PIP5K1B: variants seen among roughly 807,000 people sequenced by gnomAD.
PIP5K1B encodes phosphatidylinositol-4-phosphate 5-kinase type 1 beta, also known as phosphatidylinositol 4-phosphate 5-kinase type-1 beta.
PIP5K1B carries 42 observed loss-of-function variants against 67.0 expected under a neutral mutation model. The ratio of observed to expected loss-of-function variants is 0.63; its 90% CI spans 0.49 to 0.81. The LOEUF (loss-of-function observed/expected upper bound fraction) is 0.81. Ranked by LOEUF, PIP5K1B falls within the 30% of genes least tolerant of loss-of-function variation. The pLI is 0.00. For missense variants in PIP5K1B, 459 were observed against 646.3 expected, an observed-to-expected ratio of 0.71 and a Z score of 3.14; for synonymous variants, 214 against 231.4, an observed-to-expected ratio of 0.92 and a Z score of 0.68.
chr9:68,778,121 A>G (rs1032274932), intron 2 of PIP5K1B, among the ~76,000 whole-genome samples: 1 of 152,082 alleles, frequency 6.6e-6, no homozygotes, highest in Middle Eastern at 3.2e-3. Context: ...TCTTTAATCC[A>G]TGTGAAATTC....
At chr9:68,846,642 A>G (rs1254051702) in intron 4 of PIP5K1B, among the ~76,000 whole-genome samples, 1 of 152,180 alleles carries the variant, frequency 6.6e-6, no homozygotes, top group Admixed American at 6.5e-5. Context: ...TTTTTGTTCT[A>G]TGTATGATTC....
chr9:68,720,908 T>G (rs1263882039), intron 1 of PIP5K1B, among the ~76,000 whole-genome samples: 1 of 152,250 alleles, frequency 6.6e-6, no homozygotes, highest in South Asian at 2.1e-4. Context: ...CTGTTGATCA[T>G]TGTCATCATC....
intron 2 of PIP5K1B, among the ~76,000 whole-genome samples, chr9:68,793,885 A>C (rs1832140195): frequency 6.6e-6 from 1 of 152,228 alleles, no homozygotes; most frequent in Non-Finnish European, 1.5e-5. Context: ...ATTAAAGAAA[A>C]GACTAAGAAC....
chr9:68,755,996 C>T (rs976838934), intron 2 of PIP5K1B, among the ~76,000 whole-genome samples: 6 of 152,196 alleles, frequency 3.9e-5, no homozygotes, highest in African/African-American at 1.2e-4. Context: ...CCCTACTTTG[C>T]CATCTTTGAT....
intron 2 of PIP5K1B, among the ~76,000 whole-genome samples, chr9:68,796,780 C>T (rs908260778): frequency 3.5e-4 from 54 of 152,202 alleles, no homozygotes; most frequent in African/African-American, 1.3e-3. Context: ...AGTTAGATAT[C>T]TATCCCACAG....
chr9:68,719,717 G>T (rs1205810209), intron 1 of PIP5K1B, among the ~76,000 whole-genome samples: 1 of 152,164 alleles, frequency 6.6e-6, no homozygotes, highest in Non-Finnish European at 1.5e-5. Flanking sequence ...ATAGGAAACA[G>T]AATGGAAATT....
intron 5 of PIP5K1B, among the ~76,000 whole-genome samples, chr9:68,865,291 T>C (rs1823300347): frequency 6.6e-6 from 1 of 151,182 alleles, no homozygotes; most frequent in African/African-American, 2.4e-5. Context: ...TTTAACAGCC[T>C]ACCATTCCAA....
chr9:68,820,509 G>A (rs1833684881), intron 3 of PIP5K1B, among the ~76,000 whole-genome samples: 1 of 152,014 alleles, frequency 6.6e-6, no homozygotes, highest in Non-Finnish European at 1.5e-5. Flanking sequence ...TATTTTCCTG[G>A]ATGGTTTTTA....
chr9:68,835,001 C>G (rs900467552), intron 4 of PIP5K1B, among the ~76,000 whole-genome samples: 2 of 150,232 alleles, frequency 1.3e-5, no homozygotes, highest in Non-Finnish European at 2.9e-5. Context: ...TTAAAGGCAG[C>G]CCTTAGATGA....
At chr9:68,942,197 C>T (rs187422032) in intron 14 of PIP5K1B, among the ~76,000 whole-genome samples, 1 of 152,148 alleles carries the variant, frequency 6.6e-6, no homozygotes, top group Non-Finnish European at 1.5e-5. Context: ...ACGGCCTTTC[C>T]TGTCTGTTTG....
At chr9:68,877,541 T>C (rs1317086576) in intron 6 of PIP5K1B, among the ~76,000 whole-genome samples, 3 of 152,220 alleles carry the variant, frequency 2.0e-5, no homozygotes, top group Non-Finnish European at 4.4e-5. Context: ...TGCCATCAAA[T>C]ATTTATTGTT....
Position 68,893,333 on chromosome 9 carries a change from C to CTTTTTTT in PIP5K1B, c.472-994_472-988dup, listed in dbSNP as rs397792694. Among the ~76,000 whole-genome samples the CTTTTTTT allele has an allele frequency of 8.1e-5, 9 of 110,952 alleles. 1 individual carries two copies. Among genetic ancestry groups the CTTTTTTT allele is most frequent in the Non-Finnish European group, 1.2e-4 (7 of 58,872 alleles). 72.8% of individuals were successfully genotyped at this position (110,952 alleles called of 152,430 possible). A position where few individuals can be genotyped will look rare whatever the true frequency, so the allele number is the denominator to read the frequency against. Reference sequence around the variant, plus strand: ...TAGGCATGTATTCCCTATTTTTTTTCTTTTTTTTTTTTTTTTTTGAGACAG... The same window carrying CTTTTTTT: ...TAGGCATGTATTCCCTATTTTTTTTCTTTTTTTTTTTTTTTTTTTTTTTTTGAGACAG... On this transcript the variant is annotated intron_variant, in intron 7 of 15. Transcript: ENST00000265382.
intron 1 of PIP5K1B, among the ~76,000 whole-genome samples, chr9:68,719,991 T>G (rs1283469294): frequency 6.6e-6 from 1 of 152,228 alleles, no homozygotes; most frequent in Non-Finnish European, 1.5e-5. Context: ...CATTTTTGTT[T>G]GTTTCTTCAT....
intron 6 of PIP5K1B, among the ~76,000 whole-genome samples, chr9:68,888,562 A>G (rs1824601408): frequency 6.6e-6 from 1 of 152,230 alleles, no homozygotes; most frequent in Admixed American, 6.5e-5. Flanking sequence ...AGTAGATGAC[A>G]TCTTCTGGGA....
At chr9:68,729,150 G>A (rs1002065521) in intron 1 of PIP5K1B, among the ~76,000 whole-genome samples, 1 of 151,818 alleles carries the variant, frequency 6.6e-6, no homozygotes, top group African/African-American at 2.4e-5. Context: ...ATGCATTAGG[G>A]TACTGGTATA....
intron 2 of PIP5K1B, among the ~76,000 whole-genome samples, chr9:68,799,646 T>C (rs1325037960): frequency 6.6e-6 from 1 of 152,194 alleles, no homozygotes; most frequent in East Asian, 1.9e-4. Flanking sequence ...TAGGGAAAGA[T>C]AGTACCTTCA....
intron 2 of PIP5K1B, chr9:68,782,415 A>C (rs1831343082): frequency 6.0e-6 from 1 of 166,886 alleles, no homozygotes; most frequent in Admixed American, 6.5e-5. Context: ...GAATAGCAAA[A>C]ATTTTTTTAT....
intron 2 of PIP5K1B, among the ~76,000 whole-genome samples, chr9:68,754,230 C>T (rs1360540721): frequency 7.6e-6 from 1 of 131,762 alleles, no homozygotes; most frequent in Admixed American, 8.5e-5. Flanking sequence ...AGTACAGTGG[C>T]GCGATCTTGG....
chr9:68,941,427 T>C (rs1270655891), intron 14 of PIP5K1B, among the ~76,000 whole-genome samples: 1 of 152,178 alleles, frequency 6.6e-6, no homozygotes, highest in African/African-American at 2.4e-5. Flanking sequence ...GGCAGGATAC[T>C]CCATTTGCCC....
Sources: allele counts gnomAD v4.1 joint callset (sites outside exome capture counted in the v4.1 genomes callset), GRCh38; gene constraint gnomAD v4.1.1; transcripts MANE v1.5; gene names NCBI Gene and HGNC (gene_info 2026-07-23, HGNC 2026-07-21).